CDH13: variants seen among roughly 807,000 people sequenced by gnomAD.
CDH13 encodes cadherin 13.
CDH13 carries 24 observed loss-of-function variants against 63.8 expected under a neutral mutation model. That is an observed-to-expected ratio of 0.38 (90% CI 0.27 to 0.53). The LOEUF (loss-of-function observed/expected upper bound fraction) is 0.53. Ranked by LOEUF, CDH13 falls within the 20% of genes least tolerant of loss-of-function variation. The pLI is 0.85. For missense variants in CDH13, 1,049 were observed against 903.1 expected, an observed-to-expected ratio of 1.16 and a Z score of -2.07; for synonymous variants, 503 against 355.3, an observed-to-expected ratio of 1.42 and a Z score of -4.67.
intron 3 of CDH13, among the ~76,000 whole-genome samples, chr16:83,052,024 GA>G (rs2151506475): frequency 6.6e-6 from 1 of 152,204 alleles, no homozygotes; most frequent in African/African-American, 2.4e-5. Flanking sequence ...GTAAGAGAAG[GA>G]AAATGGTTAG....
intron 13 of CDH13, 99 bp downstream of exon 13, chr16:83,783,571 T>C: frequency 4.4e-6 from 4 of 913,000 alleles, no homozygotes; most frequent in Non-Finnish European, 7.2e-6. Flanking sequence ...CAAGAAGATG[T>C]TTCCCAGAAG....
intron 2 of CDH13, among the ~76,000 whole-genome samples, chr16:82,986,685 TC>T (rs1910981881): frequency 6.6e-6 from 1 of 152,120 alleles, no homozygotes; most frequent in African/African-American, 2.4e-5. Context: ...CAAACATATC[TC>T]AAGCCTTTGC....
At chr16:83,244,715 A>G (rs1398446331) in intron 5 of CDH13, among the ~76,000 whole-genome samples, 2 of 152,194 alleles carry the variant, frequency 1.3e-5, no homozygotes, top group Non-Finnish European at 2.9e-5. Context: ...AAAGGCACAT[A>G]GGCAATGACC....
At chr16:83,506,680 T>C (rs1303672792) in intron 7 of CDH13, among the ~76,000 whole-genome samples, 1 of 152,214 alleles carries the variant, frequency 6.6e-6, no homozygotes, top group Non-Finnish European at 1.5e-5. Context: ...AAATAGGACA[T>C]GGCAGAAATG....
chr16:83,219,048 G>A (rs572565938), intron 5 of CDH13, among the ~76,000 whole-genome samples: 14 of 152,066 alleles, frequency 9.2e-5, no homozygotes, highest in Non-Finnish European at 1.3e-4. Context: ...ACCCAGTCCC[G>A]GGTATGTCTT....
At chr16:83,353,465 C>T (rs2090997306) in intron 6 of CDH13, among the ~76,000 whole-genome samples, 1 of 152,254 alleles carries the variant, frequency 6.6e-6, no homozygotes, top group Non-Finnish European at 1.5e-5. Flanking sequence ...AGCTGGATAC[C>T]AAAGCATCTG....
chr16:83,348,093 G>A (rs1355954174), intron 6 of CDH13, among the ~76,000 whole-genome samples: 1 of 152,180 alleles, frequency 6.6e-6, no homozygotes, highest in Non-Finnish European at 1.5e-5. Context: ...GGGAGGCTGA[G>A]GCAGGAGAAT....
At chr16:83,575,675 C>G (rs1905041147) in intron 7 of CDH13, among the ~76,000 whole-genome samples, 1 of 152,216 alleles carries the variant, frequency 6.6e-6, no homozygotes. Context: ...CAGATTTTAG[C>G]TCAACCATCA....
At chr16:83,255,826 G>T (rs1352091454) in intron 5 of CDH13, among the ~76,000 whole-genome samples, 2 of 152,080 alleles carry the variant, frequency 1.3e-5, no homozygotes, top group African/African-American at 4.8e-5. Flanking sequence ...TGCAAAATAA[G>T]GATACTGGCT....
chr16:83,353,229 A>G (rs530014838), intron 6 of CDH13, among the ~76,000 whole-genome samples: 9 of 152,396 alleles, frequency 5.9e-5, no homozygotes, highest in Non-Finnish European at 1.3e-4. Context: ...TACAAATAAA[A>G]AAGAAACTGA....
chr16:82,904,146 C>A (rs1005832195), intron 2 of CDH13, among the ~76,000 whole-genome samples: 1 of 152,126 alleles, frequency 6.6e-6, no homozygotes, highest in Non-Finnish European at 1.5e-5. Context: ...AAAAAAACAC[C>A]TGTATATAAC....
chr16:83,043,446 C>T (rs531464718), intron 3 of CDH13, among the ~76,000 whole-genome samples: 1 of 151,362 alleles, frequency 6.6e-6, no homozygotes, highest in African/African-American at 2.4e-5. Context: ...AAAACGAAAC[C>T]AGTGAAATTA....
intron 1 of CDH13, among the ~76,000 whole-genome samples, chr16:82,838,922 GATA>G (rs1278459129): frequency 6.6e-6 from 1 of 152,236 alleles, no homozygotes; most frequent in Admixed American, 6.5e-5. Flanking sequence ...CAAAGAGCCA[GATA>G]ATAAATTTTC....
rs370321196 is a variant in CDH13, at chr16:83,342,155, AG to A, written c.637-2706del. Reference sequence around the variant, plus strand: ...CGTTCCTAGTTTGACTGGAGTACTGAGTTTTTTCATTTTAATAAATGTAAAT... The same window carrying A: ...CGTTCCTAGTTTGACTGGAGTACTGATTTTTTCATTTTAATAAATGTAAAT... On this transcript the variant is annotated intron_variant, in intron 5 of 13. Transcript: ENST00000567109. 2.0e-3 allele frequency among the ~76,000 whole-genome samples: 305 copies of A among 152,218 alleles called. 1 individual carries two copies. Among genetic ancestry groups the A allele is most frequent in the African/African-American group, 6.9e-3 (288 of 41,538 alleles).
chr16:83,789,053 A>C (rs1388126551), intron 13 of CDH13, among the ~76,000 whole-genome samples: 1 of 152,344 alleles, frequency 6.6e-6, no homozygotes, highest in Admixed American at 6.5e-5. Context: ...GCCAAATGTC[A>C]TGATTTACGT....
chr16:83,571,381 G>A (rs998671138), intron 7 of CDH13, among the ~76,000 whole-genome samples: 1 of 152,096 alleles, frequency 6.6e-6, no homozygotes, highest in Non-Finnish European at 1.5e-5. Flanking sequence ...TCAGCTTGAT[G>A]TTGGGCCAAG....
chr16:83,139,158 T>C (rs1009234401), intron 4 of CDH13, among the ~76,000 whole-genome samples: 1 of 152,150 alleles, frequency 6.6e-6, no homozygotes, highest in Non-Finnish European at 1.5e-5. Flanking sequence ...GCGTGCTGTA[T>C]GTTGCATGGA....
At chr16:82,799,743 C>A (rs961102537) in intron 1 of CDH13, among the ~76,000 whole-genome samples, 2 of 152,102 alleles carry the variant, frequency 1.3e-5, no homozygotes, top group African/African-American at 4.8e-5. Context: ...TATATTTGTG[C>A]TTTTGGGAAA....
chr16:83,591,014 G>A (rs1260936862), intron 7 of CDH13, among the ~76,000 whole-genome samples: 1 of 148,202 alleles, frequency 6.7e-6, no homozygotes, highest in Non-Finnish European at 1.5e-5. Flanking sequence ...GGTTTCAAGT[G>A]ATCCTCCTGC....
Sources: gnomAD v4.1 joint callset for allele counts (sites outside exome capture counted in the v4.1 genomes callset) on GRCh38, gnomAD v4.1.1 for gene constraint, MANE v1.5 for transcripts, NCBI Gene and HGNC (gene_info 2026-07-23, HGNC 2026-07-21) for gene names.